Variants in SFMBT1 observed in about 807,000 individuals in gnomAD.
The protein encoded by SFMBT1 is scm-like with four MBT domains protein 1.
A neutral mutation model predicts 108.7 loss-of-function variants in SFMBT1; 32 were observed. That is an observed-to-expected ratio of 0.29 (90% CI 0.22 to 0.40). The LOEUF (loss-of-function observed/expected upper bound fraction) is 0.40, where lower values mean the gene tolerates loss of function less well. SFMBT1 is among the 10% of genes least tolerant of loss of function. The pLI is 1.00. For synonymous variants in SFMBT1, 348 were observed against 369.5 expected (o/e 0.94, Z 0.67); for missense variants, 816 against 1,059.6 (o/e 0.77, Z 3.19).
chr3:52,966,588 G>A (rs1704156988), intron 2 of SFMBT1, among the ~76,000 whole-genome samples: 2 of 124,064 alleles, frequency 1.6e-5, no homozygotes, highest in East Asian at 2.5e-4. Flanking sequence ...TCACGCCACT[G>A]CACTCCAGCC....
At chr3:52,938,430 CTT>C (rs1235206053) in intron 4 of SFMBT1, among the ~76,000 whole-genome samples, 1 of 151,988 alleles carries the variant, frequency 6.6e-6, no homozygotes, top group Non-Finnish European at 1.5e-5. Flanking sequence ...TAGAAAGGTT[CTT>C]ATTTTTGTTC....
At chr3:52,942,473 TATATC>T (rs1287097037) in intron 4 of SFMBT1, among the ~76,000 whole-genome samples, 2 of 152,174 alleles carry the variant, frequency 1.3e-5, no homozygotes, top group African/African-American at 4.8e-5. Context: ...AATCTGAAAT[TATATC>T]AAAGTAAGAA....
rs113145076 is a variant in SFMBT1 at position 53,002,315 on chromosome 3, C to T, written c.-130-33057G>A. On this transcript the variant is annotated intron_variant, in intron 1 of 20. Transcript: ENST00000394752. ...TTGGGAGGCTGAGGCAGGAGAATGG[C>T]GTGAACCCGGGAGGCGAAGCTTGCA... is the stretch of plus-strand genomic sequence containing the variant. 2.1e-5 allele frequency among the ~76,000 whole-genome samples: 3 copies of T among 146,014 alleles called. 1 individual carries two copies. Among genetic ancestry groups the T allele is most frequent in the Non-Finnish European group, 3.0e-5 (2 of 65,956 alleles).
chr3:52,967,683 C>T (rs1044251025), intron 2 of SFMBT1, among the ~76,000 whole-genome samples: 5 of 152,078 alleles, frequency 3.3e-5, no homozygotes, highest in Non-Finnish European at 7.4e-5. Context: ...ATTTCACTGA[C>T]GAGGATATGC....
At chr3:53,034,069 TCCAA>T (rs1411409893) in intron 1 of SFMBT1, among the ~76,000 whole-genome samples, 3 of 86,196 alleles carry the variant, frequency 3.5e-5, no homozygotes, top group African/African-American at 9.9e-5. Context: ...AAACTCTGTC[TCCAA>T]AAAAAAAAAA....
chr3:53,039,516 A>G (rs78754632), intron 1 of SFMBT1, among the ~76,000 whole-genome samples: 157 of 152,294 alleles, frequency 1.0e-3, no homozygotes, highest in South Asian at 4.6e-3. Flanking sequence ...TGGGAAGATT[A>G]AAAAAGTTCT....
At chr3:52,913,759 C>T in intron 14 of SFMBT1, 142 bp from the exon 15 acceptor site, 3 of 900,304 alleles carry the variant, frequency 3.3e-6, no homozygotes, top group Non-Finnish European at 4.9e-6. Flanking sequence ...TGAAGCTTAA[C>T]ATGTTGTCTG....
At chr3:52,920,698 TA>T in intron 11 of SFMBT1, 48 bp from the exon 12 acceptor site, 1 of 1,205,276 alleles carries the variant, frequency 8.3e-7, no homozygotes, top group Non-Finnish European at 1.2e-6. Context: ...AACCTTTTTT[TA>T]GACCATTAAA....
At chr3:52,916,001 T>C in intron 14 of SFMBT1, 149 bp downstream of exon 14, 1 of 602,480 alleles carries the variant, frequency 1.7e-6, no homozygotes. Context: ...AAACACATCT[T>C]AGACAGTTAT....
At chr3:52,987,801 A>G (rs1704979006) in intron 1 of SFMBT1, among the ~76,000 whole-genome samples, 2 of 152,218 alleles carry the variant, frequency 1.3e-5, no homozygotes, top group Non-Finnish European at 2.9e-5. Context: ...AGATGCTGCC[A>G]TCTATAAGCT....
At chr3:52,923,001 T>C (rs1457036426) in intron 10 of SFMBT1, among the ~76,000 whole-genome samples, 1 of 152,202 alleles carries the variant, frequency 6.6e-6, no homozygotes, top group African/African-American at 2.4e-5. Context: ...GCCAATCAGA[T>C]TCCACCCTAT....
At chr3:53,022,548 A>G (rs183297523) in intron 1 of SFMBT1, among the ~76,000 whole-genome samples, 1 of 152,242 alleles carries the variant, frequency 6.6e-6, no homozygotes, top group Admixed American at 6.5e-5. Context: ...AAAATACACT[A>G]TAGACATACA....
At chr3:53,017,359 T>C (rs145871616) in intron 1 of SFMBT1, among the ~76,000 whole-genome samples, 1 of 152,346 alleles carries the variant, frequency 6.6e-6, no homozygotes, top group Non-Finnish European at 1.5e-5. Flanking sequence ...GTGACACTTA[T>C]TTTTTATTTG....
intron 15 of SFMBT1, 63 bp downstream of exon 15, chr3:52,913,415 G>A: frequency 1.9e-6 from 3 of 1,563,802 alleles, no homozygotes; most frequent in Non-Finnish European, 2.6e-6. Flanking sequence ...GCTCCCTGTA[G>A]AAATGACCAT....
In SFMBT1 at chr3:52,934,844, G is replaced by T; in HGVS notation, c.422C>A (p.Ala141Glu). ...DEFLRQTLIG[A>E]CSPPVPLLEG... The stretch of plus-strand genomic sequence containing the variant: ...TAGCAGCGGAACAGGAGGACTACAT[G>T]CTCCTATCAGGGTCTGCCGCAGAAA... Residue 141 changes from alanine (A) to glutamate (E), a missense_variant, in exon 5 of 21, where the codon GCA becomes GAA. Ala to Glu is a moderately radical substitution (Grantham distance 107). Around this residue, in one of 5 missense-constraint regions of SFMBT1, gnomAD observed 495 missense variants for 607.4 expected, o/e 0.81. Transcript: ENST00000394752. The T allele has an allele frequency of 6.2e-7, 1 of 1,613,724 alleles. No individual in the cohort carries two copies. Among genetic ancestry groups the T allele is most frequent in the Non-Finnish European group, 8.5e-7 (1 of 1,179,822 alleles).
At chr3:52,979,139 T>G (rs1704620535) in intron 1 of SFMBT1, among the ~76,000 whole-genome samples, 1 of 152,114 alleles carries the variant, frequency 6.6e-6, no homozygotes, top group African/African-American at 2.4e-5. Context: ...GTACTTATAT[T>G]CAAGGACATA....
intron 12 of SFMBT1, among the ~76,000 whole-genome samples, chr3:52,918,825 T>G (rs1208909515): frequency 6.6e-6 from 1 of 152,056 alleles, no homozygotes; most frequent in East Asian, 1.9e-4. Flanking sequence ...TGAATAAAGT[T>G]GGACCCTTAC....
intron 1 of SFMBT1, among the ~76,000 whole-genome samples, chr3:52,999,533 T>A (rs1575429043): frequency 6.7e-6 from 1 of 150,200 alleles, no homozygotes; most frequent in South Asian, 2.1e-4. Context: ...GCTCTTTTGG[T>A]GTATCCCTTC....
At chr3:53,012,426 G>A (rs777008126) in intron 1 of SFMBT1, among the ~76,000 whole-genome samples, 4 of 151,534 alleles carry the variant, frequency 2.6e-5, no homozygotes, top group South Asian at 2.1e-4. Flanking sequence ...TTCCCGAGAC[G>A]GAGTCTCGCT....
Sources: allele counts gnomAD v4.1 joint callset (sites outside exome capture counted in the v4.1 genomes callset), GRCh38; gene constraint gnomAD v4.1.1; regional missense constraint gnomAD v4.1.1; transcripts MANE v1.5; gene names NCBI Gene and HGNC (gene_info 2026-07-23, HGNC 2026-07-21).